Variants in KIAA0232 observed in about 807,000 individuals in gnomAD.
KIAA0232 encodes KIAA0232, also known as uncharacterized protein KIAA0232.
In KIAA0232, 27 loss-of-function variants were observed where a neutral mutation model predicts 122.0. That is an observed-to-expected ratio of 0.22 (90% confidence interval 0.16 to 0.31). KIAA0232 has a LOEUF of 0.31. Ranked by LOEUF, KIAA0232 falls within the 10% of genes least tolerant of loss-of-function variation. The pLI, the probability that KIAA0232 is intolerant of heterozygous loss-of-function variation, is 1.00. For synonymous variants in KIAA0232, 613 were observed against 587.6 expected (o/e 1.04, Z -0.63); for missense variants, 1,551 against 1,634.2 (o/e 0.95, Z 0.88).
At chr4:6,835,683 T>C (rs1173685718) in intron 3 of KIAA0232, among the ~76,000 whole-genome samples, 1 of 152,218 alleles carries the variant, frequency 6.6e-6, no homozygotes, top group African/African-American at 2.4e-5. Flanking sequence ...GTGTTCTCAT[T>C]GTTCAATTCC....
chr4:6,841,387 C>T lies in KIAA0232; in HGVS notation c.232-680C>T, dbSNP rs188126946. Among the ~76,000 whole-genome samples the T allele has an allele frequency of 4.6e-5, 7 of 152,300 alleles. No individual in the cohort carries two copies. The East Asian group carries it at 1.2e-3, about 25-fold the overall frequency. On this transcript the variant is annotated intron_variant, in intron 3 of 9. Transcript: ENST00000307659. Reference sequence around the variant, plus strand: ...ACTTTCATTCCTTAGTATTAATCTACAATATACTGACATGCTAGAAGGCAA... The same window carrying T: ...ACTTTCATTCCTTAGTATTAATCTATAATATACTGACATGCTAGAAGGCAA...
chr4:6,798,385 G>A (rs1319873362), intron 1 of KIAA0232, among the ~76,000 whole-genome samples: 1 of 152,134 alleles, frequency 6.6e-6, no homozygotes, highest in Non-Finnish European at 1.5e-5. Context: ...CAAGGTGATG[G>A]GTATTGGCCA....
chr4:6,802,044 C>G (rs1169135076), intron 1 of KIAA0232, among the ~76,000 whole-genome samples: 6 of 152,160 alleles, frequency 3.9e-5, no homozygotes, highest in Non-Finnish European at 5.9e-5. Context: ...ATGAGTGTCA[C>G]AAGTTGGGTT....
chr4:6,822,494 T>C (rs956702592), intron 2 of KIAA0232, among the ~76,000 whole-genome samples: 3 of 152,186 alleles, frequency 2.0e-5, no homozygotes, highest in Non-Finnish European at 4.4e-5. Flanking sequence ...ACTTTGAAAG[T>C]AATTTTTGGT....
At chr4:6,853,869 C>T (rs2108774983) in intron 4 of KIAA0232, among the ~76,000 whole-genome samples, 1 of 152,278 alleles carries the variant, frequency 6.6e-6, no homozygotes, top group East Asian at 1.9e-4. Flanking sequence ...ATAAGACCCT[C>T]ATGAAGTAAT....
intron 7 of KIAA0232, among the ~76,000 whole-genome samples, chr4:6,868,280 A>C (rs942593346): frequency 6.6e-6 from 1 of 152,150 alleles, no homozygotes; most frequent in African/African-American, 2.4e-5. Context: ...TCATTCATTC[A>C]TCAAGTATTT....
intron 1 of KIAA0232, among the ~76,000 whole-genome samples, chr4:6,802,203 C>T (rs1474604184): frequency 2.0e-5 from 3 of 152,214 alleles, no homozygotes; most frequent in Non-Finnish European, 4.4e-5. Context: ...TGGCCAACCC[C>T]ATTAGAATAG....
chr4:6,842,935 T>G (rs1719743692), intron 4 of KIAA0232, among the ~76,000 whole-genome samples: 1 of 151,788 alleles, frequency 6.6e-6, no homozygotes, highest in Non-Finnish European at 1.5e-5. Context: ...TTATGTGGGG[T>G]TTTTCAGTGG....
intron 2 of KIAA0232, among the ~76,000 whole-genome samples, chr4:6,813,880 A>G (rs1020566727): frequency 1.3e-5 from 2 of 152,108 alleles, no homozygotes; most frequent in Non-Finnish European, 2.9e-5. Flanking sequence ...GGGGGCTGCC[A>G]TAGGAGTGAG....
At chr4:6,819,478 C>A (rs1040822395) in intron 2 of KIAA0232, among the ~76,000 whole-genome samples, 1 of 152,134 alleles carries the variant, frequency 6.6e-6, no homozygotes, top group African/African-American at 2.4e-5. Context: ...AGAAGACATA[C>A]AAGCAGCCAA....
intron 1 of KIAA0232, among the ~76,000 whole-genome samples, 193 bp downstream of exon 1, chr4:6,783,034 A>G (rs1225554528): frequency 6.8e-6 from 1 of 148,040 alleles, no homozygotes; most frequent in African/African-American, 2.5e-5. Flanking sequence ...GGCCAGCCTA[A>G]GGGAGGCCGA....
intron 2 of KIAA0232, among the ~76,000 whole-genome samples, chr4:6,806,442 CAA>C (rs1172515809): frequency 6.6e-6 from 1 of 151,964 alleles, no homozygotes; most frequent in Non-Finnish European, 1.5e-5. Flanking sequence ...CAAACAGTAA[CAA>C]AACAATAAGA....
chr4:6,862,144 G>C lies in KIAA0232; in HGVS notation c.1762G>C (p.Ala588Pro), dbSNP rs753354028. The C allele has an allele frequency of 4.3e-6, 7 of 1,614,134 alleles. No individual in the cohort carries two copies. The Admixed American group carries it at 1.0e-4, about 23-fold the overall frequency. ...ATTCCTGCAGGACCTTGGCAATCTG[G>C]CTCAGTTTTGGGAGTGCTGTTCATC... ...GLFLQDLGNL[A>P]QFWECCSSSS... The change falls in exon 7 of 10, where the codon GCT becomes CCT. Residue 588 changes from alanine (A) to proline (P), a missense_variant. Physicochemically the swap from Ala to Pro is conservative, Grantham distance 27 (BLOSUM62 -1). Transcript: ENST00000307659.
At chr4:6,787,190 A>G (rs1271165092) in intron 1 of KIAA0232, among the ~76,000 whole-genome samples, 1 of 152,016 alleles carries the variant, frequency 6.6e-6, no homozygotes, top group Non-Finnish European at 1.5e-5. Context: ...AAAAAAAAAA[A>G]AAAAAAAAAA....
In KIAA0232 at chr4:6,862,938, G is replaced by C. The variant is rs770635746; in HGVS notation, c.2556G>C (p.Ser852=). The change falls in exon 7 of 10, where the codon TCG becomes TCC. Residue 852 remains serine (S), a synonymous_variant. Coordinates refer to ENST00000307659, the MANE Select transcript of KIAA0232 (RefSeq NM_014743.3). ...EIERTDAELF[S]ADVNNYCCCL... Reference sequence around the variant, plus strand: ...AAAGAACTGATGCTGAGTTGTTTTCGGCAGATGTAAATAACTACTGCTGCT... The same window carrying C: ...AAAGAACTGATGCTGAGTTGTTTTCCGCAGATGTAAATAACTACTGCTGCT... 6.2e-7 allele frequency: 1 copy of C among 1,614,134 alleles called. No homozygotes were observed.
intron 4 of KIAA0232, among the ~76,000 whole-genome samples, chr4:6,843,927 C>CTTTTTTTTTTTTTTTTTTTTTTT (rs373793407): frequency 2.2e-5 from 1 of 46,316 alleles, no homozygotes; most frequent in African/African-American, 6.8e-5. Flanking sequence ...AGTTACCCAT[C>CTTTTTTTTTTTTTTTTTTTTTTT]TTTTTTTTTT....
chr4:6,836,528 C>CTT (rs1323217192), intron 3 of KIAA0232, among the ~76,000 whole-genome samples: 1 of 95,696 alleles, frequency 1.0e-5, no homozygotes, highest in African/African-American at 3.8e-5. Flanking sequence ...TGTCCTTTTT[C>CTT]TTTTTTTTTT....
intron 2 of KIAA0232, among the ~76,000 whole-genome samples, chr4:6,805,092 A>G (rs940899903): frequency 1.5e-4 from 23 of 152,204 alleles, no homozygotes; most frequent in African/African-American, 5.3e-4. Context: ...ATATATTTTT[A>G]TATCACCCAG....
intron 3 of KIAA0232, among the ~76,000 whole-genome samples, chr4:6,837,216 G>C (rs968953014): frequency 6.6e-6 from 1 of 151,326 alleles, no homozygotes; most frequent in South Asian, 2.1e-4. Context: ...CGGGCGGAGG[G>C]GCTCCTCACT....
Sources: allele counts gnomAD v4.1 joint callset (sites outside exome capture counted in the v4.1 genomes callset), GRCh38; gene constraint gnomAD v4.1.1; transcripts MANE v1.5; gene names NCBI Gene and HGNC (gene_info 2026-07-23, HGNC 2026-07-21).